LINGO1: variants seen among roughly 807,000 people sequenced by gnomAD.
The protein encoded by LINGO1 is leucine-rich repeat and immunoglobulin-like domain-containing nogo receptor-interacting protein 1.
A neutral mutation model predicts 37.3 loss-of-function variants in LINGO1; 11 were observed. The ratio of observed to expected loss-of-function variants is 0.29; its 90% CI spans 0.19 to 0.49. The LOEUF (loss-of-function observed/expected upper bound fraction) is 0.49. Ranked by LOEUF, LINGO1 falls within the 20% of genes least tolerant of loss-of-function variation. The pLI is 0.99. For synonymous variants in LINGO1, 387 were observed against 403.0 expected, an observed-to-expected ratio of 0.96 and a Z score of 0.48; for missense variants, 585 against 878.2, an observed-to-expected ratio of 0.67 and a Z score of 4.22.
At chr15:77,716,905 G>C (rs1220337663) in intron 2 of LINGO1, among the ~76,000 whole-genome samples, 1 of 150,466 alleles carries the variant, frequency 6.6e-6, no homozygotes, top group Non-Finnish European at 1.5e-5. Context: ...TGCCTTCCCA[G>C]GGTCACCTCC....
At chr15:77,803,710 T>C (rs928521961) in intron 1 of LINGO1, among the ~76,000 whole-genome samples, 2 of 151,976 alleles carry the variant, frequency 1.3e-5, no homozygotes, top group African/African-American at 4.8e-5. Flanking sequence ...CTCCCCCATC[T>C]CTCTCACTCC....
intron 1 of LINGO1, among the ~76,000 whole-genome samples, chr15:77,766,320 C>T (rs1260180089): frequency 9.0e-6 from 1 of 110,556 alleles, no homozygotes; most frequent in Non-Finnish European, 1.8e-5. Context: ...AAAAAAAACA[C>T]ACAAACAGAG....
intron 3 of LINGO1, among the ~76,000 whole-genome samples, chr15:77,645,094 T>A (rs2074595050): frequency 6.6e-6 from 1 of 152,128 alleles, no homozygotes; most frequent in South Asian, 2.1e-4. Flanking sequence ...AGAGGCCTGG[T>A]GCGCTTTCAG....
At chr15:77,699,627 C>CACATACTAACCATCATCTGCACACAG (rs2075748659), upstream of LINGO1, among the ~76,000 whole-genome samples, 15 of 2,170 alleles carry the variant, frequency 6.9e-3, no homozygotes, top group African/African-American at 0.016. Context: ...TCTGCACAAA[C>CACATACTAACCATCATCTGCACACAG]TAAACACATA....
At chr15:77,703,273 T>C (rs2075807203) in intron 2 of LINGO1, among the ~76,000 whole-genome samples, 1 of 152,208 alleles carries the variant, frequency 6.6e-6, no homozygotes, top group African/African-American at 2.4e-5. Flanking sequence ...GGGGGGATTC[T>C]TGTAACTGAG....
chr15:77,748,694 CTTTTTT>C (rs552850981), intron 1 of LINGO1, among the ~76,000 whole-genome samples: 85 of 151,638 alleles, frequency 5.6e-4, no homozygotes, highest in Non-Finnish European at 2.9e-4. Context: ...TTTTCTTTTT[CTTTTTT>C]CTTTTCTTTT....
intron 3 of LINGO1, among the ~76,000 whole-genome samples, chr15:77,675,550 C>T (rs1460499948): frequency 6.6e-6 from 1 of 152,010 alleles, no homozygotes; most frequent in Admixed American, 6.6e-5. Context: ...CCATGTTTTT[C>T]CTTTTAAAAT....
chr15:77,795,339 A>T (rs1161702744), intron 2 of LINGO1, among the ~76,000 whole-genome samples: 1 of 152,060 alleles, frequency 6.6e-6, no homozygotes, highest in Non-Finnish European at 1.5e-5. Flanking sequence ...CGCCTCCCAC[A>T]TTCTGGGGGT....
chr15:77,745,056 T>G lies in LINGO1; in HGVS notation c.-256-10003A>C, dbSNP rs1051833932. ...TTGCTTGAACCTGGGAGGTGGAGGT[T>G]GCAGTGAGTCGAGATTGCACCACTG... is the stretch of plus-strand genomic sequence containing the variant. On this transcript the variant is annotated intron_variant, in intron 1 of 3. Coordinates refer to the LINGO1 transcript ENST00000561686. 1.1e-4 allele frequency among the ~76,000 whole-genome samples: 16 copies of G among 150,074 alleles called. 1 individual carries two copies. The highest frequency in any genetic ancestry group is 3.9e-4 in the African/African-American group (16 of 40,562).
At chr15:77,768,123 C>T (rs1380328934) in intron 1 of LINGO1, among the ~76,000 whole-genome samples, 2 of 152,296 alleles carry the variant, frequency 1.3e-5, no homozygotes, top group Admixed American at 1.3e-4. Flanking sequence ...CACCTGCTTT[C>T]CTGCCCTAAC....
rs1434463520 is a variant in LINGO1, at chr15:77,711,758, C to T, written c.-194-20857G>A. ...GGAGGCAGTACTGAAACCTAGGCAA[C>T]AGGCGGCTCTGGAATCCAGCCTCCA... On this transcript the variant is annotated intron_variant, in intron 2 of 3. Coordinates refer to the LINGO1 transcript ENST00000561686. 3.9e-5 allele frequency among the ~76,000 whole-genome samples: 6 copies of T among 152,200 alleles called. No homozygotes were observed. In the East Asian group the frequency reaches 7.7e-4, roughly 20 times the overall value.
chr15:77,717,336 G>C (rs1254454404), intron 2 of LINGO1, among the ~76,000 whole-genome samples: 1 of 150,794 alleles, frequency 6.6e-6, no homozygotes, highest in African/African-American at 2.4e-5. Flanking sequence ...TGGAGGTGAG[G>C]GGGGGCAGCC....
At chr15:77,740,189 G>A (rs2076248948) in intron 1 of LINGO1, among the ~76,000 whole-genome samples, 2 of 152,204 alleles carry the variant, frequency 1.3e-5, no homozygotes, top group African/African-American at 4.8e-5. Context: ...CCCTGAGGAA[G>A]TGTCCTTGGA....
intron 2 of LINGO1, among the ~76,000 whole-genome samples, chr15:77,685,029 T>C (rs1050922848): frequency 2.5e-5 from 3 of 121,778 alleles, no homozygotes; most frequent in Non-Finnish European, 5.0e-5. Flanking sequence ...TGTGGACAGA[T>C]AGAGTTGGGG....
chr15:77,792,463 G>A (rs1257654879), intron 2 of LINGO1, among the ~76,000 whole-genome samples: 1 of 152,190 alleles, frequency 6.6e-6, no homozygotes, highest in South Asian at 2.1e-4. Flanking sequence ...CTCAAGGGCT[G>A]CCCAGCTGTG....
At chr15:77,764,480 C>T (rs949249785) in intron 1 of LINGO1, among the ~76,000 whole-genome samples, 7 of 152,082 alleles carry the variant, frequency 4.6e-5, no homozygotes, top group African/African-American at 1.7e-4. Flanking sequence ...AAGAATTCTG[C>T]AAATCAATAA....
intron 2 of LINGO1, among the ~76,000 whole-genome samples, chr15:77,706,738 G>A (rs2075857283): frequency 6.6e-6 from 1 of 152,218 alleles, no homozygotes. Flanking sequence ...GAAGAACTGT[G>A]AGCCTCACTC....
chr15:77,681,443 G>A (rs2075411754), intron 2 of LINGO1, among the ~76,000 whole-genome samples: 1 of 152,122 alleles, frequency 6.6e-6, no homozygotes, highest in African/African-American at 2.4e-5. Flanking sequence ...AAGTCCAACT[G>A]AGCATCTCAC....
intron 1 of LINGO1, among the ~76,000 whole-genome samples, chr15:77,772,734 T>G (rs1281184067): frequency 6.6e-6 from 1 of 152,096 alleles, no homozygotes; most frequent in Non-Finnish European, 1.5e-5. Flanking sequence ...GTGGGTAAGT[T>G]TGAAAATCCC....
Sources: gnomAD v4.1 joint callset for allele counts (sites outside exome capture counted in the v4.1 genomes callset) on GRCh38, gnomAD v4.1.1 for gene constraint, MANE v1.5 for transcripts, NCBI Gene and HGNC (gene_info 2026-07-23, HGNC 2026-07-21) for gene names.